Variants in PRKG1 observed in about 807,000 individuals in gnomAD.
PRKG1 encodes protein kinase cGMP-dependent 1, also known as cGMP-dependent protein kinase 1.
A neutral mutation model predicts 88.1 loss-of-function variants in PRKG1; 35 were observed. The observed-to-expected ratio is 0.40, with a 90% CI of 0.30 to 0.53. The LOEUF (loss-of-function observed/expected upper bound fraction) is 0.53. Ranked by LOEUF, PRKG1 falls within the 20% of genes least tolerant of loss-of-function variation. PRKG1 has a pLI of 0.59. For missense variants in PRKG1, 540 were observed against 839.8 expected (o/e 0.64, Z 4.41); for synonymous variants, 303 against 292.5 (o/e 1.04, Z -0.37).
intron 9 of PRKG1, among the ~76,000 whole-genome samples, chr10:52,247,914 G>A (rs12262523): frequency 0.022 from 3,301 of 152,252 alleles, 126 homozygotes; most frequent in African/African-American, 0.075. Context: ...AGAGCTGAGA[G>A]CCCCGAACAG....
chr10:52,259,218 A>G (rs917714942), intron 10 of PRKG1, among the ~76,000 whole-genome samples: 1 of 152,034 alleles, frequency 6.6e-6, no homozygotes, highest in Admixed American at 6.6e-5. Context: ...AGAATGCACT[A>G]TAAGGTGACT....
chr10:51,627,868 T>G (rs1279837144), intron 3 of PRKG1, among the ~76,000 whole-genome samples: 1 of 147,176 alleles, frequency 6.8e-6, no homozygotes, highest in Admixed American at 6.8e-5. Context: ...CCTTCCTTCC[T>G]TCCTTCCCTT....
intron 2 of PRKG1, among the ~76,000 whole-genome samples, chr10:51,381,296 A>AAAAAGG (rs1564469738): frequency 1.3e-4 from 18 of 140,250 alleles, no homozygotes; most frequent in African/African-American, 4.4e-4. Context: ...AAAAAAAAAA[A>AAAAAGG]AAAAGGAAAT....
chr10:51,335,472 C>G (rs1024567028), intron 2 of PRKG1, among the ~76,000 whole-genome samples: 4 of 152,256 alleles, frequency 2.6e-5, no homozygotes, highest in African/African-American at 7.2e-5. Flanking sequence ...ACAAGCTAGT[C>G]ATTATCTTCT....
rs74458273 is a variant in PRKG1, at chr10:52,044,777, G to C, written c.763-9707G>C. 6.0e-3 allele frequency among the ~76,000 whole-genome samples: 910 copies of C among 152,128 alleles called. 6 individuals carry two copies. The highest frequency in any genetic ancestry group is 0.021 in the African/African-American group (864 of 41,482). On this transcript the variant is annotated intron_variant, in intron 5 of 17. Transcript: ENST00000373980. Reference sequence around the variant, plus strand: ...GATTTCTTGATACCTTTAATGGATTGCATAGAACAAGGGACACAGCAGCAT... The same window carrying C: ...GATTTCTTGATACCTTTAATGGATTCCATAGAACAAGGGACACAGCAGCAT...
intron 3 of PRKG1, among the ~76,000 whole-genome samples, chr10:51,724,570 A>G (rs1263229966): frequency 5.3e-5 from 8 of 152,216 alleles, no homozygotes; most frequent in African/African-American, 1.9e-4. Context: ...TATTCTTTAA[A>G]TTGAGATGGG....
chr10:51,352,041 A>G (rs1842259984), intron 2 of PRKG1, among the ~76,000 whole-genome samples: 1 of 152,142 alleles, frequency 6.6e-6, no homozygotes, highest in Non-Finnish European at 1.5e-5. Flanking sequence ...TTTGTCAAAG[A>G]TCAGATGGTT....
chr10:52,188,994 G>C (rs1327360945), intron 9 of PRKG1, among the ~76,000 whole-genome samples: 1 of 152,064 alleles, frequency 6.6e-6, no homozygotes. Flanking sequence ...AATCTAATAA[G>C]AAATATGGCA....
At chr10:51,373,985 T>C (rs1328099112) in intron 2 of PRKG1, among the ~76,000 whole-genome samples, 1 of 149,366 alleles carries the variant, frequency 6.7e-6, no homozygotes, top group Non-Finnish European at 1.5e-5. Context: ...CTAGTAAAAC[T>C]ACAAAAATTA....
At chr10:51,602,549 G>A (rs1838634544) in intron 3 of PRKG1, among the ~76,000 whole-genome samples, 1 of 151,684 alleles carries the variant, frequency 6.6e-6, no homozygotes, top group Non-Finnish European at 1.5e-5. Context: ...CGTCAGCCTC[G>A]TGAGTAGCTG....
At chr10:51,399,062 A>G (rs535868582) in intron 2 of PRKG1, among the ~76,000 whole-genome samples, 11 of 152,270 alleles carry the variant, frequency 7.2e-5, no homozygotes, top group Admixed American at 3.9e-4. Flanking sequence ...CCTAGCTTCC[A>G]TAATTTTATT....
chr10:51,516,814 A>G (rs1841599239), intron 3 of PRKG1, among the ~76,000 whole-genome samples: 1 of 152,214 alleles, frequency 6.6e-6, no homozygotes, highest in African/African-American at 2.4e-5. Context: ...CTGGAAATAT[A>G]GGATGAATAA....
intron 5 of PRKG1, among the ~76,000 whole-genome samples, chr10:52,035,313 G>A (rs144440894): frequency 0.16 from 23,795 of 152,072 alleles, 2,083 homozygotes; most frequent in Admixed American, 0.24. Flanking sequence ...TGAGCTTGGT[G>A]TGTAGGGAAG....
At chr10:51,911,694 G>A (rs1221725749) in intron 5 of PRKG1, among the ~76,000 whole-genome samples, 1 of 152,138 alleles carries the variant, frequency 6.6e-6, no homozygotes, top group Non-Finnish European at 1.5e-5. Flanking sequence ...GAATAAACAG[G>A]CACAATGAGA....
At chr10:52,036,084 A>T (rs1845602224) in intron 5 of PRKG1, among the ~76,000 whole-genome samples, 1 of 152,118 alleles carries the variant, frequency 6.6e-6, no homozygotes, top group Non-Finnish European at 1.5e-5. Flanking sequence ...GTAACAGATG[A>T]GGAAGAAATT....
At chr10:51,094,466 T>C (rs770492907) in intron 1 of PRKG1, among the ~76,000 whole-genome samples, 4 of 152,122 alleles carry the variant, frequency 2.6e-5, no homozygotes, top group Admixed American at 6.6e-5. Context: ...AAATACATGC[T>C]AAACAATTAA....
intron 5 of PRKG1, among the ~76,000 whole-genome samples, chr10:51,958,552 T>C: frequency 6.6e-6 from 1 of 151,364 alleles, no homozygotes; most frequent in Non-Finnish European, 1.5e-5. Flanking sequence ...GTTCCTTTTT[T>C]TTTTTTTTTT....
chr10:51,345,967 T>G (rs1842104797), intron 2 of PRKG1, among the ~76,000 whole-genome samples: 1 of 152,202 alleles, frequency 6.6e-6, no homozygotes, highest in African/African-American at 2.4e-5. Flanking sequence ...GCATTATTGG[T>G]ACAATTTCAA....
At chr10:51,687,183 A>G (rs1049303848) in intron 3 of PRKG1, among the ~76,000 whole-genome samples, 1 of 152,206 alleles carries the variant, frequency 6.6e-6, no homozygotes, top group African/African-American at 2.4e-5. Context: ...TAATTTACAA[A>G]TGTTGATTTG....
Sources: gnomAD v4.1 joint callset for allele counts (sites outside exome capture counted in the v4.1 genomes callset) on GRCh38, gnomAD v4.1.1 for gene constraint, MANE v1.5 for transcripts, NCBI Gene and HGNC (gene_info 2026-07-23, HGNC 2026-07-21) for gene names.